The following PRELID2 variants were observed in gnomAD, a reference collection of about 807,000 sequenced individuals.
PRELID2 encodes PRELI domain-containing protein 2.
In PRELID2, 25 loss-of-function variants were observed where a neutral mutation model predicts 28.4. That is an observed-to-expected ratio of 0.88 (90% CI 0.64 to 1.23). PRELID2 has a LOEUF of 1.23. PRELID2 is among the 50% of genes most tolerant of loss of function. The pLI is 0.00. For missense variants in PRELID2, 201 were observed against 214.4 expected (o/e 0.94, Z 0.39); for synonymous variants, 76 against 71.6 (o/e 1.06, Z -0.31).
At chr5:145,302,590 ATTC>A in the PRELID2 span, among the ~76,000 whole-genome samples, 1 of 151,932 alleles carries the variant, frequency 6.6e-6, no homozygotes, top group Admixed American at 6.6e-5. Flanking sequence ...GTTAGCCAAT[ATTC>A]TTTTTTATTT....
At chr5:145,421,492 T>G in the PRELID2 span, among the ~76,000 whole-genome samples, 1 of 149,886 alleles carries the variant, frequency 6.7e-6, no homozygotes, top group East Asian at 1.9e-4. Context: ...ATTTATCCAT[T>G]TCTTCTAGAT....
chr5:145,649,831 C>T (rs554523629), intron 1 of PRELID2, among the ~76,000 whole-genome samples: 1 of 152,278 alleles, frequency 6.6e-6, no homozygotes, highest in East Asian at 1.9e-4. Context: ...TGTTTTAACA[C>T]TAATATCTGG....
At chr5:145,389,580 A>G in the PRELID2 span, among the ~76,000 whole-genome samples, 2 of 152,326 alleles carry the variant, frequency 1.3e-5, no homozygotes, top group Admixed American at 1.3e-4. Flanking sequence ...AATAAGTGGT[A>G]ACAACTCTAT....
intron 1 of PRELID2, among the ~76,000 whole-genome samples, chr5:145,630,510 T>G (rs1753917461): frequency 6.6e-6 from 1 of 152,194 alleles, no homozygotes; most frequent in African/African-American, 2.4e-5. Flanking sequence ...TGAGTGAGTC[T>G]GAGTAAACTG....
the PRELID2 span, among the ~76,000 whole-genome samples, chr5:145,392,341 C>T: frequency 1.3e-4 from 20 of 152,028 alleles, no homozygotes; most frequent in African/African-American, 4.8e-4. Context: ...AGGAGGGAAG[C>T]CAGTTATAAA....
chr5:145,483,422 T>A (rs1026471270), intron 1 of PRELID2, among the ~76,000 whole-genome samples: 4 of 152,196 alleles, frequency 2.6e-5, no homozygotes, highest in African/African-American at 9.6e-5. Context: ...GGCTGACTCA[T>A]TAGCTCATCA....
intron 1 of PRELID2, 140 bp downstream of exon 1, chr5:145,835,037 T>C (rs1398907307): frequency 8.4e-6 from 5 of 594,612 alleles, no homozygotes; most frequent in South Asian, 2.2e-5. Flanking sequence ...GAAATCCCTC[T>C]CGACCCACAC....
chr5:145,276,110 TTAA>T, the PRELID2 span, among the ~76,000 whole-genome samples: 1 of 152,284 alleles, frequency 6.6e-6, no homozygotes, highest in South Asian at 2.1e-4. Flanking sequence ...GAACTCTCTC[TTAA>T]TGATGAATTC....
At chr5:145,825,527 T>C (rs1442315848) in intron 1 of PRELID2, among the ~76,000 whole-genome samples, 1 of 152,198 alleles carries the variant, frequency 6.6e-6, no homozygotes, top group Non-Finnish European at 1.5e-5. Context: ...CATAAATATA[T>C]ATTGACTGAA....
intron 1 of PRELID2, among the ~76,000 whole-genome samples, chr5:145,485,773 G>C (rs550600699): frequency 6.6e-6 from 1 of 152,230 alleles, no homozygotes; most frequent in East Asian, 1.9e-4. Flanking sequence ...TCATTCTCCT[G>C]CCAAATTAAG....
At chr5:145,247,195 C>A in the PRELID2 span, among the ~76,000 whole-genome samples, 1 of 152,138 alleles carries the variant, frequency 6.6e-6, no homozygotes, top group African/African-American at 2.4e-5. Flanking sequence ...TTCACTTTGA[C>A]CCCGTTTGAT....
intron 1 of PRELID2, among the ~76,000 whole-genome samples, chr5:145,595,551 C>A (rs1252753933): frequency 6.6e-6 from 1 of 152,150 alleles, no homozygotes; most frequent in Non-Finnish European, 1.5e-5. Context: ...AGGCACTGGA[C>A]TAAGATGTCA....
At chr5:145,330,511 T>C in the PRELID2 span, among the ~76,000 whole-genome samples, 1 of 152,212 alleles carries the variant, frequency 6.6e-6, no homozygotes, top group South Asian at 2.1e-4. Flanking sequence ...GGAGAGCGTA[T>C]GTGTCCAGGA....
chr5:145,418,440 C>A, the PRELID2 span, among the ~76,000 whole-genome samples: 1,426 of 152,180 alleles, frequency 9.4e-3, 9 homozygotes, highest in South Asian at 0.022. Flanking sequence ...CAAGACAATC[C>A]TAAGCAAAAA....
chr5:145,739,478 C>A (rs1756589495), intron 1 of PRELID2, among the ~76,000 whole-genome samples: 1 of 152,044 alleles, frequency 6.6e-6, no homozygotes, highest in Admixed American at 6.6e-5. Flanking sequence ...GCACTCTAGC[C>A]TGGGCAACAG....
At chr5:145,644,303 G>A (rs981360457) in intron 1 of PRELID2, among the ~76,000 whole-genome samples, 3 of 152,148 alleles carry the variant, frequency 2.0e-5, no homozygotes, top group African/African-American at 7.2e-5. Flanking sequence ...TTGGCGTAGA[G>A]GTATTTATAG....
the PRELID2 span, among the ~76,000 whole-genome samples, chr5:145,362,440 C>G: frequency 1.8e-4 from 27 of 152,272 alleles, no homozygotes; most frequent in Non-Finnish European, 2.6e-4. Context: ...CCTTATCATA[C>G]TGCTGTCATG....
At chr5:145,272,319 A>C in the PRELID2 span, among the ~76,000 whole-genome samples, 1 of 152,204 alleles carries the variant, frequency 6.6e-6, no homozygotes, top group African/African-American at 2.4e-5. Context: ...TATAAATTAA[A>C]CCAAAGGTAA....
intron 1 of PRELID2, among the ~76,000 whole-genome samples, chr5:145,498,799 A>G (rs1035249156): frequency 6.6e-6 from 1 of 151,898 alleles, no homozygotes; most frequent in Non-Finnish European, 1.5e-5. Context: ...GCTGGTCTCA[A>G]GCTCCTGACC....
Sources: allele counts gnomAD v4.1 joint callset (sites outside exome capture counted in the v4.1 genomes callset), GRCh38; gene constraint gnomAD v4.1.1; transcripts MANE v1.5; gene names NCBI Gene and HGNC (gene_info 2026-07-23, HGNC 2026-07-21).